SRGAP2: variants seen among roughly 807,000 people sequenced by gnomAD.
The protein encoded by SRGAP2 is SLIT-ROBO Rho GTPase-activating protein 2.
Under a neutral mutation model 57.2 loss-of-function variants are expected in SRGAP2, and 15 were observed. The ratio of observed to expected loss-of-function variants is 0.26; its 90% confidence interval spans 0.18 to 0.40. SRGAP2 has a LOEUF of 0.40. Among genes scored for constraint, SRGAP2 ranks in the 10% least tolerant of loss-of-function variants. SRGAP2 has a pLI of 1.00. For missense variants in SRGAP2, 520 were observed against 669.6 expected, an observed-to-expected ratio of 0.78 and a Z score of 2.47; for synonymous variants, 249 against 248.0, an observed-to-expected ratio of 1.00 and a Z score of -0.04.
At chr1:206,408,833 G>T (rs1232346160) in intron 10 of SRGAP2, among the ~76,000 whole-genome samples, 2 of 151,746 alleles carry the variant, frequency 1.3e-5, no homozygotes, top group African/African-American at 4.9e-5. Context: ...TCAATACATT[G>T]ATGTCCTCTA....
intron 21 of SRGAP2, among the ~76,000 whole-genome samples, chr1:206,457,504 C>A (rs1663937747): frequency 1.3e-5 from 2 of 152,174 alleles, no homozygotes; most frequent in Non-Finnish European, 2.9e-5. Context: ...GAAATCCTTG[C>A]AGAGAGGGGG....
intron 3 of SRGAP2, among the ~76,000 whole-genome samples, chr1:206,309,197 C>T (rs1553323038): frequency 6.9e-6 from 1 of 144,608 alleles, no homozygotes; most frequent in Non-Finnish European, 1.5e-5. Flanking sequence ...CCCTGGTTAA[C>T]AGGGAAAAGA....
At chr1:206,359,483 A>G (rs1348587223) in intron 4 of SRGAP2, among the ~76,000 whole-genome samples, 1 of 55,874 alleles carries the variant, frequency 1.8e-5, no homozygotes, top group Admixed American at 2.3e-4. Context: ...GAACTAAAAG[A>G]ATTAGATTTA....
rs1553380358 is a variant in SRGAP2 at position 206,461,039 on chromosome 1, T to C, written c.2835T>C (p.Asp945=). The change falls in exon 23 of 23, where the codon GAT becomes GAC. Residue 945 remains aspartate, a splice_region_variant and synonymous_variant. Coordinates refer to ENST00000573034, the MANE Select transcript of SRGAP2 (RefSeq NM_015326.5). ...RPMDPEVIAQ[D]IEATMNSALN... ...TCCTCCTTTTTCCTGTTTTGCAGGA[T>C]ATTGAGGCAACAATGAACTCGGCCC... 1 of 694,580 alleles carries C rather than the reference T, an allele frequency of 1.4e-6. No individual in the cohort carries two copies. The highest frequency in any genetic ancestry group is 2.5e-5 in the East Asian group (1 of 40,256). The allele number at this position is 694,580 out of a possible 1,614,324, so 43.0% of individuals were successfully genotyped here. A position where few individuals can be genotyped will look rare whatever the true frequency, so the allele number is the denominator to read the frequency against.
At chr1:206,326,471 G>A (rs1215511221) in intron 3 of SRGAP2, among the ~76,000 whole-genome samples, 1 of 152,156 alleles carries the variant, frequency 6.6e-6, no homozygotes, top group Non-Finnish European at 1.5e-5. Flanking sequence ...GAATAGCTCT[G>A]CGCTCTGGGG....
chr1:206,318,773 T>C (rs548301034), intron 3 of SRGAP2, among the ~76,000 whole-genome samples: 2 of 152,216 alleles, frequency 1.3e-5, no homozygotes, highest in Admixed American at 1.3e-4. Flanking sequence ...ACCAGATCTC[T>C]TGTGAACTAA....
Position 206,446,161 on chromosome 1 carries a change from G to A in SRGAP2, c.1961G>A (p.Gly654Asp), listed in dbSNP as rs868989180. 10 of 780,708 alleles carry A rather than the reference G, an allele frequency of 1.3e-5. No homozygotes were observed. In the Middle Eastern group the frequency reaches 9.0e-4, roughly 70 times the overall value. The allele number at this position is 780,708 out of a possible 1,614,324, so 48.4% of individuals were successfully genotyped here. A position where few individuals can be genotyped will look rare whatever the true frequency, so the allele number is the denominator to read the frequency against. The change falls in exon 18 of 23, where the codon GGC (glycine) becomes GAC (aspartate). Residue 654 changes from glycine (G) to aspartate (D), a missense_variant. Physicochemically the swap from Gly to Asp is moderately conservative, Grantham distance 94 (BLOSUM62 -1). This residue lies in a region of SRGAP2 where 478 missense variants were observed against 373.6 expected (regional missense o/e 1.28). Transcript: ENST00000573034. Reference protein sequence around the residue: ...FGPSLMSVPEGHDQVSCQAHV... With the variant: ...FGPSLMSVPEDHDQVSCQAHV... ...CCCTCGCTAATGTCAGTGCCAGAGG[G>A]CCACGACCAGGTGTCCTGCCAAGCC... is the stretch of plus-strand genomic sequence containing the variant.
intron 2 of SRGAP2, among the ~76,000 whole-genome samples, chr1:206,285,726 G>T: frequency 6.6e-6 from 1 of 152,044 alleles, no homozygotes; most frequent in Non-Finnish European, 1.5e-5. Context: ...GGAGTGCAGC[G>T]GTGTGATCTC....
chr1:206,276,781 T>A (rs1670436500), intron 2 of SRGAP2, among the ~76,000 whole-genome samples: 1 of 152,130 alleles, frequency 6.6e-6, no homozygotes, highest in African/African-American at 2.4e-5. Context: ...AGTAGATGGA[T>A]GAGGAATCTT....
At chr1:206,374,173 C>T (rs1231501712) in intron 4 of SRGAP2, among the ~76,000 whole-genome samples, 26 of 151,278 alleles carry the variant, frequency 1.7e-4, no homozygotes, top group South Asian at 2.1e-4. Context: ...TACAGGCGCC[C>T]GCCACTACGC....
chr1:206,420,055 G>A (rs1275758092), intron 12 of SRGAP2, among the ~76,000 whole-genome samples: 1 of 152,082 alleles, frequency 6.6e-6, no homozygotes, highest in South Asian at 2.1e-4. Flanking sequence ...GGAGAGCAAG[G>A]TATTCATTCA....
intron 13 of SRGAP2, among the ~76,000 whole-genome samples, chr1:206,426,449 T>G (rs538671971): frequency 1.3e-5 from 2 of 152,370 alleles, no homozygotes; most frequent in African/African-American, 4.8e-5. Context: ...GCAGTTACAC[T>G]GATACTTCAA....
At chr1:206,293,985 T>C (rs1358649783) in intron 2 of SRGAP2, among the ~76,000 whole-genome samples, 3 of 84,364 alleles carry the variant, frequency 3.6e-5, no homozygotes, top group African/African-American at 1.2e-4. Flanking sequence ...GAATTCTGTT[T>C]CTTAAACATC....
chr1:206,283,566 C>T (rs1480797419), intron 2 of SRGAP2, among the ~76,000 whole-genome samples: 7 of 148,828 alleles, frequency 4.7e-5, no homozygotes, highest in African/African-American at 1.7e-4. Context: ...TCCAGCTACT[C>T]GGGAGGCTGA....
intron 4 of SRGAP2, among the ~76,000 whole-genome samples, chr1:206,355,346 A>G (rs1354249790): frequency 6.6e-6 from 1 of 152,092 alleles, no homozygotes; most frequent in Non-Finnish European, 1.5e-5. Flanking sequence ...GTCCAAGTGG[A>G]TTCAAGTGAC....
chr1:206,347,172 A>G (rs1272290309), intron 4 of SRGAP2, among the ~76,000 whole-genome samples: 1 of 149,648 alleles, frequency 6.7e-6, no homozygotes, highest in Non-Finnish European at 1.5e-5. Context: ...GGATCACTTG[A>G]GCCCAGAAAT....
chr1:206,314,107 T>TG (rs1553120834), intron 3 of SRGAP2, among the ~76,000 whole-genome samples: 29 of 130,220 alleles, frequency 2.2e-4, no homozygotes, highest in Middle Eastern at 3.9e-3. Context: ...TTTTTTTTGT[T>TG]TTTTTTTTTT....
chr1:206,236,941 C>G (rs1302627300), intron 2 of SRGAP2, among the ~76,000 whole-genome samples: 1 of 132,216 alleles, frequency 7.6e-6, no homozygotes, highest in East Asian at 2.2e-4. Context: ...CCCAGCTGGT[C>G]TCTAACTCCT....
rs554378810 is a variant in SRGAP2, at chr1:206,378,579, C to A, written c.424-5435C>A. Among the ~76,000 whole-genome samples, 30 of 152,216 alleles carry A rather than the reference C, an allele frequency of 2.0e-4. 1 individual carries two copies. The highest frequency in any genetic ancestry group is 2.0e-4 in the Admixed American group (3 of 15,288). On this transcript the variant is annotated intron_variant, in intron 4 of 22. Coordinates refer to ENST00000573034, the MANE Select transcript of SRGAP2 (RefSeq NM_015326.5). ...AGAGGTGAAGCCAGCTGGACTTCCT[C>A]GGTGGAGTGGGGTCTTGGAGAACTT...
Sources: gnomAD v4.1 joint callset for allele counts (sites outside exome capture counted in the v4.1 genomes callset) on GRCh38, gnomAD v4.1.1 for gene constraint, gnomAD v4.1.1 regional missense constraint, MANE v1.5 for transcripts, NCBI Gene and HGNC (gene_info 2026-07-23, HGNC 2026-07-21) for gene names.